Variants in NEGR1 observed in about 807,000 individuals in gnomAD.
NEGR1 encodes the protein neuronal growth regulator 1, also known as IgLON family member 4.
A neutral mutation model predicts 40.9 loss-of-function variants in NEGR1; 10 were observed. The ratio of observed to expected loss-of-function variants is 0.24; its 90% confidence interval spans 0.15 to 0.42. The LOEUF (loss-of-function observed/expected upper bound fraction) is 0.42. Among genes scored for constraint, NEGR1 ranks in the 10% least tolerant of loss-of-function variants. NEGR1 has a pLI of 1.00. For synonymous variants in NEGR1, 185 were observed against 166.8 expected (o/e 1.11, Z -0.84); for missense variants, 352 against 438.9 (o/e 0.80, Z 1.77).
At chr1:72,127,638 C>G (rs1650081372) in intron 1 of NEGR1, among the ~76,000 whole-genome samples, 1 of 151,892 alleles carries the variant, frequency 6.6e-6, no homozygotes, top group Non-Finnish European at 1.5e-5. Flanking sequence ...AAGCCTGACA[C>G]CTTAAACATA....
chr1:71,845,734 T>TCTACCTAC (rs533286064), intron 2 of NEGR1, among the ~76,000 whole-genome samples: 130 of 77,686 alleles, frequency 1.7e-3, no homozygotes, highest in African/African-American at 4.7e-3. Context: ...TATCTATCTA[T>TCTACCTAC]CTACCTACCT....
chr1:71,507,311 G>A (rs1347514491), intron 6 of NEGR1, among the ~76,000 whole-genome samples: 2 of 152,224 alleles, frequency 1.3e-5, no homozygotes, highest in African/African-American at 2.4e-5. Flanking sequence ...GACAGGATAG[G>A]GGTCAAACTA....
intron 1 of NEGR1, among the ~76,000 whole-genome samples, chr1:72,126,106 T>C (rs1650010801): frequency 6.7e-6 from 1 of 148,254 alleles, no homozygotes; most frequent in Non-Finnish European, 1.5e-5. Flanking sequence ...TGTGTGTGTG[T>C]GTGTGTGTGT....
intron 4 of NEGR1, among the ~76,000 whole-genome samples, chr1:71,615,904 G>T (rs562607502): frequency 3.0e-4 from 45 of 152,294 alleles, no homozygotes; most frequent in African/African-American, 9.1e-4. Context: ...CCAATGCATA[G>T]AAAAGGCAGA....
intron 1 of NEGR1, among the ~76,000 whole-genome samples, chr1:72,225,044 T>C (rs919131316): frequency 6.6e-6 from 1 of 152,044 alleles, no homozygotes. Context: ...GAGAACTGAT[T>C]GCAAATCTGA....
chr1:71,415,795 C>G (rs1557518452), intron 6 of NEGR1, among the ~76,000 whole-genome samples: 1 of 152,082 alleles, frequency 6.6e-6, no homozygotes, highest in Non-Finnish European at 1.5e-5. Flanking sequence ...GTTGTCAATA[C>G]AGGTTATTTT....
At chr1:71,977,475 T>C (rs1055199714) in intron 1 of NEGR1, among the ~76,000 whole-genome samples, 6 of 152,180 alleles carry the variant, frequency 3.9e-5, no homozygotes, top group Non-Finnish European at 7.3e-5. Flanking sequence ...GAAGAAAATC[T>C]AGGTATCTTA....
chr1:71,912,294 T>C (rs899537552), intron 2 of NEGR1, among the ~76,000 whole-genome samples: 16 of 152,288 alleles, frequency 1.1e-4, no homozygotes, highest in African/African-American at 3.4e-4. Context: ...AAGTTTTCAA[T>C]AGGGAGTAAG....
At chr1:72,174,046 T>C (rs149465265) in intron 1 of NEGR1, among the ~76,000 whole-genome samples, 42 of 152,276 alleles carry the variant, frequency 2.8e-4, no homozygotes, top group African/African-American at 8.7e-4. Context: ...TCATTTTGTT[T>C]CACAACAATC....
chr1:71,940,402 T>C (rs766457727), intron 1 of NEGR1, among the ~76,000 whole-genome samples: 5 of 152,198 alleles, frequency 3.3e-5, no homozygotes, highest in Non-Finnish European at 7.3e-5. Context: ...CTGTTGACAC[T>C]ATACCAAATA....
At chr1:72,142,518 AGATAGAT>A (rs1249237073) in intron 1 of NEGR1, among the ~76,000 whole-genome samples, 1 of 136,700 alleles carries the variant, frequency 7.3e-6, no homozygotes, top group Non-Finnish European at 1.6e-5. Context: ...TCTGATACCT[AGATAGAT>A]GATAGATAGA....
At chr1:71,522,911 T>C (rs1230044314) in intron 6 of NEGR1, among the ~76,000 whole-genome samples, 5 of 152,048 alleles carry the variant, frequency 3.3e-5, no homozygotes, top group Middle Eastern at 3.4e-3. Flanking sequence ...GGAAAGATTT[T>C]GATTGCCTGG....
intron 2 of NEGR1, among the ~76,000 whole-genome samples, chr1:71,900,437 A>C (rs1443369040): frequency 6.6e-6 from 1 of 152,194 alleles, no homozygotes; most frequent in Admixed American, 6.5e-5. Context: ...TTTTTGAGGC[A>C]ATTTTAACAA....
chr1:72,281,933 T>A (rs771827016), intron 1 of NEGR1, among the ~76,000 whole-genome samples: 2 of 150,958 alleles, frequency 1.3e-5, no homozygotes, highest in Non-Finnish European at 3.0e-5. Context: ...TTTGAAAGAG[T>A]CGCTTATGCT....
At chr1:71,673,058 A>G (rs1652489404) in intron 4 of NEGR1, among the ~76,000 whole-genome samples, 1 of 151,962 alleles carries the variant, frequency 6.6e-6, no homozygotes, top group South Asian at 2.1e-4. Context: ...ATACAGTGAA[A>G]CCCCATCTCT....
Position 71,795,417 on chromosome 1 carries a change from C to A in NEGR1, c.410-19120G>T, listed in dbSNP as rs184364497. ...AAACAGTGGTTCTCAATATTGAATG[C>A]ACATTAGGACCATCTGAGATGTTCT... On this transcript the variant is annotated intron_variant, in intron 2 of 6. Transcript: ENST00000357731. Among the ~76,000 whole-genome samples, 145 of 152,110 alleles carry A rather than the reference C, an allele frequency of 9.5e-4. 1 individual carries two copies. The highest frequency in any genetic ancestry group is 1.7e-3 in the Non-Finnish European group (117 of 67,980).
At chr1:71,818,739 A>C (rs1658316773) in intron 2 of NEGR1, among the ~76,000 whole-genome samples, 1 of 152,036 alleles carries the variant, frequency 6.6e-6, no homozygotes, top group Admixed American at 6.6e-5. Flanking sequence ...AACTATGTAT[A>C]AAATCCAAGG....
intron 6 of NEGR1, among the ~76,000 whole-genome samples, chr1:71,577,191 G>T (rs943376183): frequency 6.6e-6 from 1 of 152,152 alleles, no homozygotes; most frequent in Admixed American, 6.5e-5. Flanking sequence ...TTAGTTCTCA[G>T]AATATTCCTG....
At chr1:71,424,462 A>T (rs1277419787) in intron 6 of NEGR1, among the ~76,000 whole-genome samples, 1 of 152,220 alleles carries the variant, frequency 6.6e-6, no homozygotes, top group Non-Finnish European at 1.5e-5. Flanking sequence ...TCCTCCCCAG[A>T]CATTCCCATC....
Sources: allele counts gnomAD v4.1 joint callset (sites outside exome capture counted in the v4.1 genomes callset), GRCh38; gene constraint gnomAD v4.1.1; transcripts MANE v1.5; gene names NCBI Gene and HGNC (gene_info 2026-07-23, HGNC 2026-07-21).